Variants in PROM1 observed in about 807,000 individuals in gnomAD.
The protein encoded by PROM1 is prominin 1.
PROM1 carries 105 observed loss-of-function variants against 116.9 expected under a neutral mutation model. The observed-to-expected ratio is 0.90, with a 90% CI of 0.77 to 1.06. The LOEUF is 1.06. Among genes scored for constraint, PROM1 ranks in the 50% least tolerant of loss-of-function variants. The probability of loss-of-function intolerance (pLI) is 0.00; values close to 1 mark genes in which losing one functional copy is unlikely to be tolerated. For synonymous variants in PROM1, 393 were observed against 387.0 expected, an observed-to-expected ratio of 1.02 and a Z score of -0.18; for missense variants, 1,122 against 1,045.2, an observed-to-expected ratio of 1.07 and a Z score of -1.01.
At chr4:16,007,672 C>T (rs940993041) in intron 12 of PROM1, among the ~76,000 whole-genome samples, 9 of 152,142 alleles carry the variant, frequency 5.9e-5, no homozygotes, top group Non-Finnish European at 8.8e-5. Flanking sequence ...AAGATAAGTT[C>T]ATAGTGTCAG....
At chr4:16,038,528 G>A (rs1394198182) in intron 3 of PROM1, among the ~76,000 whole-genome samples, 1 of 151,938 alleles carries the variant, frequency 6.6e-6, no homozygotes, top group Non-Finnish European at 1.5e-5. Context: ...TCAGCCTCCC[G>A]AATACTTGGG....
chr4:16,048,994 T>C (rs979891215), intron 2 of PROM1, among the ~76,000 whole-genome samples: 4 of 152,270 alleles, frequency 2.6e-5, no homozygotes, highest in African/African-American at 7.2e-5. Flanking sequence ...ATCCTGACCA[T>C]TGCAGTGCAG....
chr4:16,079,404 T>C (rs968823508), intron 1 of PROM1: 1 of 152,218 alleles, frequency 6.6e-6, no homozygotes, highest in Non-Finnish European at 1.5e-5. Context: ...TGCTCCAAAA[T>C]GTAGGTCCCT....
chr4:16,045,435 C>G (rs1736324991), intron 2 of PROM1, among the ~76,000 whole-genome samples: 1 of 152,182 alleles, frequency 6.6e-6, no homozygotes, highest in African/African-American at 2.4e-5. Flanking sequence ...CAACTCACGG[C>G]AGCCTCTATG....
intron 14 of PROM1, among the ~76,000 whole-genome samples, chr4:15,999,275 T>G (rs1723108054): frequency 1.3e-5 from 2 of 151,764 alleles, no homozygotes. Flanking sequence ...ATCGAGACCA[T>G]CCTGGCTAAC....
intron 1 of PROM1, among the ~76,000 whole-genome samples, chr4:16,077,234 G>A (rs1462466967): frequency 1.3e-5 from 2 of 152,234 alleles, no homozygotes. Flanking sequence ...TGAGATAGGG[G>A]AAAACCGCCT....
intron 13 of PROM1, 77 bp downstream of exon 13, chr4:16,006,461 C>T: frequency 6.8e-7 from 1 of 1,460,242 alleles, no homozygotes; most frequent in African/African-American, 1.4e-5. Context: ...GCGCCGGGTT[C>T]ATGTAACACC....
chr4:16,025,341 G>A, intron 5 of PROM1, 29 bp from the exon 6 acceptor site: 3 of 1,612,242 alleles, frequency 1.9e-6, no homozygotes, highest in Non-Finnish European at 2.5e-6. Flanking sequence ...AGAAGAAAGA[G>A]CATTTACTGT....
chr4:16,036,396 T>C (rs185985223), intron 3 of PROM1, among the ~76,000 whole-genome samples: 15 of 152,322 alleles, frequency 9.8e-5, no homozygotes, highest in Non-Finnish European at 1.9e-4. Flanking sequence ...GGGAACACCA[T>C]TTGTGATGGG....
At chr4:16,064,378 C>A (rs949085605) in intron 2 of PROM1, among the ~76,000 whole-genome samples, 2 of 152,108 alleles carry the variant, frequency 1.3e-5, no homozygotes, top group Admixed American at 1.3e-4. Flanking sequence ...GAGTATATAT[C>A]GTGTGATCCC....
At chr4:16,074,367 G>A (rs990219604) in intron 2 of PROM1, among the ~76,000 whole-genome samples, 4 of 152,060 alleles carry the variant, frequency 2.6e-5, no homozygotes, top group African/African-American at 7.2e-5. Context: ...AAAAATTAAA[G>A]AGTTTTTTTA....
At chr4:15,990,924 G>T (rs1211966764) in intron 18 of PROM1, among the ~76,000 whole-genome samples, 1 of 152,218 alleles carries the variant, frequency 6.6e-6, no homozygotes. Context: ...CTGCCTATGG[G>T]GTAGCCCCCC....
At chr4:16,057,210 C>A (rs1486750047) in intron 2 of PROM1, among the ~76,000 whole-genome samples, 1 of 152,224 alleles carries the variant, frequency 6.6e-6, no homozygotes, top group Admixed American at 6.5e-5. Flanking sequence ...TAAAACTCAG[C>A]ATGTCACAAT....
chr4:15,992,209 T>C, intron 17 of PROM1, 39 bp downstream of exon 17: 1 of 1,597,882 alleles, frequency 6.3e-7, no homozygotes, highest in South Asian at 1.2e-5. Flanking sequence ...GACACTTTAA[T>C]TTCTCCTAAA....
intron 2 of PROM1, among the ~76,000 whole-genome samples, chr4:16,074,750 T>C (rs187585318): frequency 1.3e-5 from 2 of 152,322 alleles, no homozygotes; most frequent in East Asian, 3.9e-4. Context: ...AATATAAACA[T>C]GTGATGATAT....
chr4:16,060,525 G>A (rs1740071803), intron 2 of PROM1, among the ~76,000 whole-genome samples: 1 of 151,914 alleles, frequency 6.6e-6, no homozygotes, highest in Non-Finnish European at 1.5e-5. Flanking sequence ...ATGTTGCCCA[G>A]CTGGTCTCAA....
At chr4:16,003,191 C>G (rs1724311697) in intron 13 of PROM1, 1 of 422,664 alleles carries the variant, frequency 2.4e-6, no homozygotes, top group South Asian at 1.7e-5. Context: ...ATTTCAGGGG[C>G]CATGTGATCT....
At chr4:15,981,511 G>T (rs1345650582) in intron 23 of PROM1, among the ~76,000 whole-genome samples, 1 of 151,678 alleles carries the variant, frequency 6.6e-6, no homozygotes, top group East Asian at 2.0e-4. Context: ...GGCGGAGGTT[G>T]CAGTGAACCG....
intron 10 of PROM1, among the ~76,000 whole-genome samples, chr4:16,015,427 T>C (rs1728112487): frequency 6.7e-6 from 1 of 150,220 alleles, no homozygotes; most frequent in Non-Finnish European, 1.5e-5. Flanking sequence ...TGGTGGCTCA[T>C]GCCTGTAATC....
Sources: gnomAD v4.1 joint callset for allele counts (sites outside exome capture counted in the v4.1 genomes callset) on GRCh38, gnomAD v4.1.1 for gene constraint, MANE v1.5 for transcripts, NCBI Gene and HGNC (gene_info 2026-07-23, HGNC 2026-07-21) for gene names.